Variants in TNFSF4 observed in about 807,000 individuals in gnomAD.
TNFSF4 encodes the protein TNF superfamily member 4, also known as tumor necrosis factor ligand superfamily member 4.
In TNFSF4, 4 loss-of-function variants were observed where a neutral mutation model predicts 7.3. The ratio of observed to expected loss-of-function variants is 0.55; its 90% CI spans 0.27 to 1.25. The LOEUF (loss-of-function observed/expected upper bound fraction) is 1.25. TNFSF4 is among the 50% of genes most tolerant of loss of function. TNFSF4 has a pLI of 0.12. For synonymous variants in TNFSF4, 76 were observed against 83.7 expected, an observed-to-expected ratio of 0.91 and a Z score of 0.50; for missense variants, 181 against 208.8, an observed-to-expected ratio of 0.87 and a Z score of 0.82.
the TNFSF4 span, among the ~76,000 whole-genome samples, chr1:173,332,085 C>T: frequency 1.3e-5 from 2 of 152,148 alleles, no homozygotes; most frequent in Non-Finnish European, 2.9e-5. Flanking sequence ...TTAAGAAACC[C>T]TGCCTCAGAC....
the TNFSF4 span, among the ~76,000 whole-genome samples, chr1:173,242,496 G>C: frequency 6.6e-6 from 1 of 152,200 alleles, no homozygotes; most frequent in Middle Eastern, 3.2e-3. Flanking sequence ...TGAGATCAGA[G>C]AAGGAATTCA....
the TNFSF4 span, among the ~76,000 whole-genome samples, chr1:173,397,684 G>A: frequency 2.0e-5 from 3 of 152,222 alleles, no homozygotes; most frequent in African/African-American, 7.2e-5. Context: ...GACTTGTGAA[G>A]TGAGAGCTAT....
intron 1 of TNFSF4, among the ~76,000 whole-genome samples, chr1:173,192,013 C>T (rs958580520): frequency 1.3e-5 from 2 of 152,126 alleles, no homozygotes; most frequent in African/African-American, 2.4e-5. Flanking sequence ...CCTGTCTCTA[C>T]AAAAAATACA....
the TNFSF4 span, among the ~76,000 whole-genome samples, chr1:173,301,412 A>G: frequency 6.6e-6 from 1 of 151,908 alleles, no homozygotes; most frequent in Non-Finnish European, 1.5e-5. Context: ...ATTCTAATTA[A>G]TTAATTCTTT....
At chr1:173,427,421 C>T in the TNFSF4 span, among the ~76,000 whole-genome samples, 51 of 152,208 alleles carry the variant, frequency 3.4e-4, no homozygotes, top group Non-Finnish European at 6.9e-4. Context: ...CCCGCCCCCC[C>T]ACTGACCCCA....
chr1:173,337,574 G>A, the TNFSF4 span, among the ~76,000 whole-genome samples: 3 of 152,152 alleles, frequency 2.0e-5, no homozygotes, highest in South Asian at 2.1e-4. Flanking sequence ...TCTATATAAT[G>A]TTCAGGCACC....
At chr1:173,288,437 A>AAAAT in the TNFSF4 span, among the ~76,000 whole-genome samples, 3 of 152,144 alleles carry the variant, frequency 2.0e-5, no homozygotes, top group Admixed American at 6.5e-5. Context: ...CCCTGTCTCA[A>AAAAT]AAATAAATAA....
chr1:173,326,182 T>C, the TNFSF4 span, among the ~76,000 whole-genome samples: 2 of 152,194 alleles, frequency 1.3e-5, no homozygotes, highest in South Asian at 2.1e-4. Flanking sequence ...CCAAGTGGGC[T>C]TCATCCCTGG....
the TNFSF4 span, among the ~76,000 whole-genome samples, chr1:173,229,130 A>G: frequency 6.6e-6 from 1 of 152,348 alleles, no homozygotes; most frequent in African/African-American, 2.4e-5. Context: ...CATAATTGTC[A>G]GATTCACCAA....
the TNFSF4 span, among the ~76,000 whole-genome samples, chr1:173,401,587 T>C: frequency 2.9e-3 from 448 of 152,276 alleles, 1 homozygote; most frequent in African/African-American, 9.9e-3. Flanking sequence ...CTCCTGCCCT[T>C]GGTCTGAGAC....
intron 1 of TNFSF4, among the ~76,000 whole-genome samples, chr1:173,201,436 A>G (rs1204570126): frequency 6.6e-6 from 1 of 152,238 alleles, no homozygotes; most frequent in Non-Finnish European, 1.5e-5. Flanking sequence ...GTATGTGTGC[A>G]CACACATACT....
At chr1:173,346,502 A>G in the TNFSF4 span, among the ~76,000 whole-genome samples, 1 of 152,218 alleles carries the variant, frequency 6.6e-6, no homozygotes, top group Admixed American at 6.5e-5. Context: ...CTGAAGTTAC[A>G]TAGCACTTTA....
the TNFSF4 span, chr1:173,363,881 C>T: frequency 2.0e-5 from 3 of 152,930 alleles, no homozygotes; most frequent in African/African-American, 7.2e-5. Flanking sequence ...TTAGAAACCC[C>T]TGCCACACAC....
At chr1:173,359,375 T>C in the TNFSF4 span, among the ~76,000 whole-genome samples, 1 of 151,602 alleles carries the variant, frequency 6.6e-6, no homozygotes, top group South Asian at 2.1e-4. Flanking sequence ...GTTAGGTGTT[T>C]GGAATAAAAA....
chr1:173,387,494 T>C, the TNFSF4 span, among the ~76,000 whole-genome samples: 1 of 152,230 alleles, frequency 6.6e-6, no homozygotes, highest in Non-Finnish European at 1.5e-5. Flanking sequence ...TTCTATTATT[T>C]ATAAGCTATC....
the TNFSF4 span, among the ~76,000 whole-genome samples, chr1:173,354,690 A>T: frequency 6.6e-6 from 1 of 152,234 alleles, no homozygotes; most frequent in African/African-American, 2.4e-5. Flanking sequence ...GTACTAAGGG[A>T]TATATACCTT....
chr1:173,387,868 T>TA, the TNFSF4 span, among the ~76,000 whole-genome samples: 6 of 152,298 alleles, frequency 3.9e-5, no homozygotes, highest in South Asian at 8.3e-4. Flanking sequence ...ATTCTCACAC[T>TA]AAAAAAATGA....
the TNFSF4 span, among the ~76,000 whole-genome samples, chr1:173,383,986 T>G: frequency 6.6e-6 from 1 of 152,254 alleles, no homozygotes; most frequent in African/African-American, 2.4e-5. Flanking sequence ...GTCATCATGA[T>G]GACCATCATC....
At chr1:173,293,530 G>A in the TNFSF4 span, among the ~76,000 whole-genome samples, 1 of 151,918 alleles carries the variant, frequency 6.6e-6, no homozygotes, top group African/African-American at 2.4e-5. Context: ...AGAAAACCTA[G>A]GAAATACCAT....
Sources: allele counts gnomAD v4.1 joint callset (sites outside exome capture counted in the v4.1 genomes callset), GRCh38; gene constraint gnomAD v4.1.1; transcripts MANE v1.5; gene names NCBI Gene and HGNC (gene_info 2026-07-23, HGNC 2026-07-21).